Variants in OSBPL6 observed in about 807,000 individuals in gnomAD.
The protein encoded by OSBPL6 is oxysterol binding protein like 6.
Under a neutral mutation model 125.8 loss-of-function variants are expected in OSBPL6, and 49 were observed. The ratio of observed to expected loss-of-function variants is 0.39; its 90% CI spans 0.31 to 0.49. The LOEUF is 0.49. OSBPL6 is among the 20% of genes least tolerant of loss of function. The pLI is 0.88. For missense variants in OSBPL6, 986 were observed against 1,135.4 expected, an observed-to-expected ratio of 0.87 and a Z score of 1.89; for synonymous variants, 394 against 391.8, an observed-to-expected ratio of 1.01 and a Z score of -0.07.
intron 13 of OSBPL6, among the ~76,000 whole-genome samples, chr2:178,362,299 T>G (rs1379341437): frequency 6.6e-6 from 1 of 152,176 alleles, no homozygotes; most frequent in African/African-American, 2.4e-5. Flanking sequence ...TTTGCACTCT[T>G]GAGGTTTTCT....
At position 178,291,712 on chromosome 2, in the gene OSBPL6, C is replaced by CTTT. The variant is rs1559209254; in HGVS notation, c.-156+6591_-156+6592insTTT. ...TTCCTTCCTTCCTTCCTTCTTTCCTCCCTCCCTCCCTCCCTCCTTCCTTTC... is the reference window on the plus strand; with the variant it reads ...TTCCTTCCTTCCTTCCTTCTTTCCTCTTTCCTCCCTCCCTCCCTCCTTCCTTTC... On this transcript the variant is annotated intron_variant, in intron 2 of 24. Coordinates refer to ENST00000190611, the MANE Select transcript of OSBPL6 (RefSeq NM_032523.4). 1.0e-3 allele frequency among the ~76,000 whole-genome samples: 89 copies of CTTT among 88,526 alleles called. 2 individuals carry two copies. The highest frequency in any genetic ancestry group is 4.4e-3 in the East Asian group (14 of 3,200). The allele number at this position is 88,526 out of a possible 152,430, so 58.1% of individuals were successfully genotyped here.
intron 15 of OSBPL6, among the ~76,000 whole-genome samples, chr2:178,377,210 G>A (rs13427758): frequency 6.6e-6 from 1 of 152,224 alleles, no homozygotes; most frequent in Admixed American, 6.5e-5. Flanking sequence ...CATCTGCTTA[G>A]CTTCAGGAAA....
chr2:178,245,277 A>T (rs975695250), intron 1 of OSBPL6, among the ~76,000 whole-genome samples: 3 of 152,210 alleles, frequency 2.0e-5, no homozygotes, highest in African/African-American at 7.2e-5. Context: ...TAAAAAAATC[A>T]TTGACTTATG....
Position 178,367,049 on chromosome 2 carries a change from G to T in OSBPL6, c.1288-5077G>T, listed in dbSNP as rs750677934. 7.8e-4 allele frequency among the ~76,000 whole-genome samples: 118 copies of T among 152,240 alleles called. 1 individual carries two copies. The highest frequency in any genetic ancestry group is 1.2e-3 in the Non-Finnish European group (83 of 68,022). The stretch of plus-strand genomic sequence containing the variant: ...GTAACAGCATAAGTGTCCAATAGTA[G>T]GAAATACTTGCTAATGCAACTATTA... On this transcript the variant is annotated intron_variant, in intron 13 of 24. Transcript: ENST00000190611.
rs1686740118 is a variant in OSBPL6, at chr2:178,306,159, C to T, written c.-26C>T. 3 of 1,439,690 alleles carry T rather than the reference C, an allele frequency of 2.1e-6. No individual in the cohort carries two copies. The highest frequency in any genetic ancestry group is 2.9e-6 in the Non-Finnish European group (3 of 1,021,474). 89.2% of individuals were successfully genotyped at this position (1,439,690 alleles called of 1,614,324 possible). On this transcript the variant is annotated 5_prime_UTR_variant, in exon 3 of 25. Coordinates refer to ENST00000190611, the MANE Select transcript of OSBPL6 (RefSeq NM_032523.4). ...GAGAAGATTGGGATGGTCTTAAGTG[C>T]ATAAAACGAGACTCTAACTGCAGCG...
At chr2:178,305,092 A>G (rs1559223579) in intron 2 of OSBPL6, among the ~76,000 whole-genome samples, 1 of 152,150 alleles carries the variant, frequency 6.6e-6, no homozygotes, top group Non-Finnish European at 1.5e-5. Flanking sequence ...ACAAGCCTAC[A>G]CAAGTGTTCT....
chr2:178,195,135 A>G (rs1479111265), intron 1 of OSBPL6, among the ~76,000 whole-genome samples: 2 of 152,160 alleles, frequency 1.3e-5, no homozygotes, highest in African/African-American at 4.8e-5. Flanking sequence ...CGCGAGAGCT[A>G]ACGCCTACGC....
At chr2:178,315,581 T>G (rs976243923) in intron 3 of OSBPL6, among the ~76,000 whole-genome samples, 4 of 152,204 alleles carry the variant, frequency 2.6e-5, no homozygotes, top group Admixed American at 6.5e-5. Context: ...GCCAAAGCCT[T>G]TCAGCTCTCT....
chr2:178,400,499 C>A lies in OSBPL6; in HGVS notation c.*4940C>A, dbSNP rs1696071767. 1 of 152,118 alleles carries A rather than the reference C, an allele frequency of 6.6e-6. No homozygotes were observed. The highest frequency in any genetic ancestry group is 2.1e-4 in the South Asian group (1 of 4,824). 9.4% of individuals were successfully genotyped at this position (152,118 alleles called of 1,614,324 possible). On this transcript the variant is annotated 3_prime_UTR_variant, in exon 25 of 25. Transcript: ENST00000190611. ...CGGGGGTTTTGCCATGTTGGCCAGG[C>A]TGGTCTCGAACTCCTGACCTCAAGT...
intron 1 of OSBPL6, among the ~76,000 whole-genome samples, chr2:178,265,381 T>C (rs2092201258): frequency 6.6e-6 from 1 of 151,156 alleles, no homozygotes; most frequent in Admixed American, 6.6e-5. Flanking sequence ...CTGGCTAATT[T>C]ATTTTTATTT....
chr2:178,303,280 G>A (rs1298870321), intron 2 of OSBPL6, among the ~76,000 whole-genome samples: 4 of 152,204 alleles, frequency 2.6e-5, no homozygotes, highest in African/African-American at 9.6e-5. Flanking sequence ...TGGAGGGAAA[G>A]TAGCTTTCAT....
At chr2:178,325,544 A>C (rs1688626876) in intron 4 of OSBPL6, among the ~76,000 whole-genome samples, 1 of 152,224 alleles carries the variant, frequency 6.6e-6, no homozygotes, top group Non-Finnish European at 1.5e-5. Flanking sequence ...TAATATGACT[A>C]GTAATCTCTT....
At chr2:178,261,338 C>A (rs1184660541) in intron 1 of OSBPL6, among the ~76,000 whole-genome samples, 5 of 149,494 alleles carry the variant, frequency 3.3e-5, no homozygotes, top group Non-Finnish European at 1.5e-5. Context: ...ATTTGTAAAA[C>A]ATCACCCTGT....
chr2:178,379,315 A>G (rs1351681347), intron 15 of OSBPL6, among the ~76,000 whole-genome samples: 16 of 115,646 alleles, frequency 1.4e-4, no homozygotes, highest in Non-Finnish European at 2.8e-4. Flanking sequence ...AAGAAACAGG[A>G]AGGAAGGAAG....
chr2:178,240,950 C>G (rs2091264632), intron 1 of OSBPL6, among the ~76,000 whole-genome samples: 1 of 152,046 alleles, frequency 6.6e-6, no homozygotes, highest in South Asian at 2.1e-4. Flanking sequence ...CACATGGTCC[C>G]TTGTATATAG....
At chr2:178,253,329 C>T (rs1179087674) in intron 1 of OSBPL6, among the ~76,000 whole-genome samples, 1 of 151,966 alleles carries the variant, frequency 6.6e-6, no homozygotes, top group East Asian at 1.9e-4. Flanking sequence ...CCTTAAACCA[C>T]TGTATATGAG....
rs1262378937 is a variant in OSBPL6, at chr2:178,395,501, A to G, written c.2747A>G (p.Tyr916Cys). ...QREAWVSNDT[Y>C]WELRKDPGFS... ...GAAGCCTGGGTTTCTAACGACACCTACTGGGAGCTTCGAAAGGACCCTGGG... is the reference window on the plus strand; with the variant it reads ...GAAGCCTGGGTTTCTAACGACACCTGCTGGGAGCTTCGAAAGGACCCTGGG... Residue 916 changes from tyrosine to cysteine, a missense_variant, in exon 25 of 25, where the codon TAC becomes TGC. Physicochemically the swap from Tyr to Cys is radical, Grantham distance 194 (BLOSUM62 -2). Coordinates refer to ENST00000190611, the MANE Select transcript of OSBPL6 (RefSeq NM_032523.4). 4 of 1,613,764 alleles carry G rather than the reference A, an allele frequency of 2.5e-6. No homozygotes were observed. The highest frequency in any genetic ancestry group is 3.4e-6 in the Non-Finnish European group (4 of 1,179,832).
At chr2:178,195,338 G>A (rs1050323522) in intron 1 of OSBPL6, among the ~76,000 whole-genome samples, 2 of 152,242 alleles carry the variant, frequency 1.3e-5, no homozygotes, top group African/African-American at 4.8e-5. Context: ...CCCTGGTTCA[G>A]ACCGGGACAG....
chr2:178,331,547 T>C lies in OSBPL6; in HGVS notation c.319-5T>C. The stretch of plus-strand genomic sequence containing the variant: ...ACAGTAACTGGGGGTGTTTGGTTCT[T>C]GCAGCGTTTTTTTGTCCTGGATAAT... On this transcript the variant is annotated splice_region_variant and splice_polypyrimidine_tract_variant and intron_variant, in intron 5 of 24. Coordinates refer to ENST00000190611, the MANE Select transcript of OSBPL6 (RefSeq NM_032523.4). 6.2e-7 allele frequency: 1 copy of C among 1,614,152 alleles called. No individual in the cohort carries two copies. Among genetic ancestry groups the C allele is most frequent in the Non-Finnish European group, 8.5e-7 (1 of 1,179,978 alleles).
Sources: gnomAD v4.1 joint callset for allele counts (sites outside exome capture counted in the v4.1 genomes callset) on GRCh38, gnomAD v4.1.1 for gene constraint, MANE v1.5 for transcripts, NCBI Gene and HGNC (gene_info 2026-07-23, HGNC 2026-07-21) for gene names.